TMEM132B: variants seen among roughly 807,000 people sequenced by gnomAD.
TMEM132B encodes transmembrane protein 132B.
In TMEM132B, 18 loss-of-function variants were observed where a neutral mutation model predicts 90.8. That is an observed-to-expected ratio of 0.20 (90% CI 0.14 to 0.29). The LOEUF is 0.29. Ranked by LOEUF, TMEM132B falls within the 10% of genes least tolerant of loss-of-function variation. TMEM132B has a pLI of 1.00. For synonymous variants in TMEM132B, 504 were observed against 523.3 expected (o/e 0.96, Z 0.50); for missense variants, 1,096 against 1,326.8 (o/e 0.83, Z 2.70).
intron 2 of TMEM132B, among the ~76,000 whole-genome samples, chr12:125,379,933 A>C (rs149303044): frequency 6.6e-6 from 1 of 152,190 alleles, no homozygotes; most frequent in African/African-American, 2.4e-5. Flanking sequence ...TTCAGGGTAG[A>C]TCTGTGAACT....
chr12:125,218,859 A>G (rs1873499591), intron 1 of TMEM132B, among the ~76,000 whole-genome samples: 1 of 151,954 alleles, frequency 6.6e-6, no homozygotes, highest in South Asian at 2.1e-4. Context: ...TGCCCAAACA[A>G]AAACCTGCCC....
intron 6 of TMEM132B, among the ~76,000 whole-genome samples, chr12:125,648,926 TAAAGG>T (rs1206250483): frequency 6.6e-6 from 1 of 152,198 alleles, no homozygotes; most frequent in Non-Finnish European, 1.5e-5. Flanking sequence ...CTTTATTAAC[TAAAGG>T]AAAGTAGTTA....
At chr12:125,625,980 G>T (rs552782648) in intron 5 of TMEM132B, among the ~76,000 whole-genome samples, 1 of 152,020 alleles carries the variant, frequency 6.6e-6, no homozygotes, top group East Asian at 1.9e-4. Flanking sequence ...TAAGTCTTTT[G>T]CCAGTAAAAT....
At chr12:125,517,837 C>T (rs1883207507) in intron 3 of TMEM132B, among the ~76,000 whole-genome samples, 1 of 152,216 alleles carries the variant, frequency 6.6e-6, no homozygotes, top group Admixed American at 6.5e-5. Context: ...GGGTACAAAG[C>T]AGGTCAGCAG....
rs57734743 is a variant in TMEM132B, at chr12:125,468,265, A to C, written c.1107-51174A>C. The stretch of plus-strand genomic sequence containing the variant: ...TTCCAATTTCTCCACATCCTTGTCA[A>C]TATTTTTTCTTTTCTGTTTTTCTGA... On this transcript the variant is annotated intron_variant, in intron 3 of 8. Transcript: ENST00000682704. Among the ~76,000 whole-genome samples the C allele has an allele frequency of 1.9e-4, 29 of 151,804 alleles. 1 individual carries two copies. The East Asian group carries it at 6.1e-3, about 32-fold the overall frequency.
intron 5 of TMEM132B, among the ~76,000 whole-genome samples, chr12:125,595,560 G>C (rs1452056805): frequency 1.3e-5 from 2 of 152,144 alleles, no homozygotes. Context: ...AAAAGTAACT[G>C]TGGTTTCTGC....
chr12:125,619,943 C>A (rs1482691324), intron 5 of TMEM132B, among the ~76,000 whole-genome samples: 1 of 152,164 alleles, frequency 6.6e-6, no homozygotes, highest in Non-Finnish European at 1.5e-5. Context: ...TTAGGGAAGA[C>A]AATGGAGCAT....
intron 1 of TMEM132B, among the ~76,000 whole-genome samples, chr12:125,275,782 C>G (rs1874970238): frequency 6.6e-6 from 1 of 152,246 alleles, no homozygotes; most frequent in African/African-American, 2.4e-5. Context: ...GGTGTGATAA[C>G]AGTTCACTGC....
intron 2 of TMEM132B, among the ~76,000 whole-genome samples, chr12:125,371,930 A>G (rs908055222): frequency 7.2e-5 from 11 of 152,244 alleles, no homozygotes; most frequent in African/African-American, 2.2e-4. Context: ...TATGGCCTCT[A>G]TCTCCATTAT....
intron 3 of TMEM132B, among the ~76,000 whole-genome samples, chr12:125,455,563 G>T (rs568916495): frequency 6.6e-6 from 1 of 152,172 alleles, no homozygotes; most frequent in South Asian, 2.1e-4. Flanking sequence ...GGTGGGGGCA[G>T]TGTCTTTATT....
Position 125,322,132 on chromosome 12 carries a change from G to A in TMEM132B, c.68-27320G>A, listed in dbSNP as rs138939258. Among the ~76,000 whole-genome samples, 17 of 152,304 alleles carry A rather than the reference G, an allele frequency of 1.1e-4. 1 individual carries two copies. In the East Asian group the frequency reaches 2.5e-3, roughly 22 times the overall value. ...GAATTATAGCTCTCATAATCCCCAC[G>A]TGTCGTGGGAGGGACCCGGTGAGAG... On this transcript the variant is annotated intron_variant, in intron 1 of 8. Transcript: ENST00000682704.
chr12:125,494,258 TCCTCCC>T (rs1882453258), intron 3 of TMEM132B, among the ~76,000 whole-genome samples: 1 of 57,530 alleles, frequency 1.7e-5, no homozygotes. Flanking sequence ...CTCTTCCCCC[TCCTCCC>T]TGGAAATGGC....
At chr12:125,430,614 T>C (rs547504780) in intron 3 of TMEM132B, among the ~76,000 whole-genome samples, 1 of 152,146 alleles carries the variant, frequency 6.6e-6, no homozygotes, top group Non-Finnish European at 1.5e-5. Flanking sequence ...CAGCCGAGCT[T>C]GAACCAGGTC....
At chr12:125,413,311 G>T (rs926347648) in intron 2 of TMEM132B, among the ~76,000 whole-genome samples, 8 of 151,108 alleles carry the variant, frequency 5.3e-5, no homozygotes, top group Admixed American at 2.0e-4. Context: ...TTCACCTGTG[G>T]TTTTTTTTTC....
At chr12:125,560,730 C>G (rs1458181626) in intron 4 of TMEM132B, among the ~76,000 whole-genome samples, 1 of 143,844 alleles carries the variant, frequency 7.0e-6, no homozygotes, top group African/African-American at 2.6e-5. Context: ...GAGGCTGAGG[C>G]AGGACAATGG....
intron 4 of TMEM132B, among the ~76,000 whole-genome samples, chr12:125,540,879 C>A (rs1447416765): frequency 6.6e-6 from 1 of 152,242 alleles, no homozygotes; most frequent in Non-Finnish European, 1.5e-5. Context: ...AGATCTGGCC[C>A]CTGGCCACCT....
At chr12:125,534,501 A>G (rs1330902761) in intron 4 of TMEM132B, among the ~76,000 whole-genome samples, 2 of 152,228 alleles carry the variant, frequency 1.3e-5, no homozygotes, top group African/African-American at 4.8e-5. Context: ...TGGGTGACAA[A>G]GCAAGAACCT....
chr12:125,645,463 G>A (rs77036489), intron 6 of TMEM132B, among the ~76,000 whole-genome samples: 2,733 of 152,322 alleles, frequency 0.018, 36 homozygotes, highest in Non-Finnish European at 0.025. Flanking sequence ...TGAGAACAAC[G>A]TGATGATGTA....
intron 1 of TMEM132B, among the ~76,000 whole-genome samples, chr12:125,194,978 A>T (rs901945026): frequency 6.6e-6 from 1 of 152,134 alleles, no homozygotes; most frequent in African/African-American, 2.4e-5. Context: ...TGTCAATATT[A>T]CTATACAGGT....
Sources: gnomAD v4.1 joint callset for allele counts (sites outside exome capture counted in the v4.1 genomes callset) on GRCh38, gnomAD v4.1.1 for gene constraint, MANE v1.5 for transcripts, NCBI Gene and HGNC (gene_info 2026-07-23, HGNC 2026-07-21) for gene names.